CCDC93: variants seen among roughly 807,000 people sequenced by gnomAD.
CCDC93 encodes the protein coiled-coil domain-containing protein 93.
Under a neutral mutation model 108.2 loss-of-function variants are expected in CCDC93, and 61 were observed. The observed-to-expected ratio is 0.56, with a 90% CI of 0.46 to 0.70. CCDC93 has a LOEUF of 0.70. Ranked by LOEUF, CCDC93 falls within the 30% of genes least tolerant of loss-of-function variation. CCDC93 has a pLI of 0.00. For missense variants in CCDC93, 685 were observed against 764.2 expected, an observed-to-expected ratio of 0.90 and a Z score of 1.22; for synonymous variants, 276 against 260.4, an observed-to-expected ratio of 1.06 and a Z score of -0.58.
chr2:117,937,180 A>C (rs1678552345), intron 20 of CCDC93, among the ~76,000 whole-genome samples: 1 of 152,196 alleles, frequency 6.6e-6, no homozygotes, highest in Non-Finnish European at 1.5e-5. Context: ...TCCTTCCCAC[A>C]GAATCTTCTC....
chr2:117,998,323 G>A (rs1395993448), intron 4 of CCDC93: 6 of 152,122 alleles, frequency 3.9e-5, no homozygotes, highest in Non-Finnish European at 7.3e-5. Context: ...AGTGCCCGGG[G>A]GGAAAACAAA....
intron 4 of CCDC93, chr2:117,997,910 C>T (rs1680708222): frequency 6.6e-6 from 1 of 152,020 alleles, no homozygotes; most frequent in Non-Finnish European, 1.5e-5. Flanking sequence ...AGAGCTGCTC[C>T]CATTAATCCC....
At chr2:117,923,680 G>GCCTGCCTGCCTC (rs144602138) in intron 23 of CCDC93, among the ~76,000 whole-genome samples, 1 of 145,212 alleles carries the variant, frequency 6.9e-6, no homozygotes, top group Non-Finnish European at 1.5e-5. Flanking sequence ...CTGCCTGCCT[G>GCCTGCCTGCCTC]CCTCTATAGA....
intron 19 of CCDC93, 21 bp downstream of exon 19, chr2:117,941,168 G>C (rs777182163): frequency 1.4e-5 from 22 of 1,547,530 alleles, no homozygotes; most frequent in Non-Finnish European, 1.7e-5. Context: ...TCAAGAGCTT[G>C]TCTGTGGTCA....
At position 117,946,821 on chromosome 2, in the gene CCDC93, C is replaced by G; in HGVS notation, c.1286G>C (p.Gly429Ala). The change falls in exon 16 of 24, where the codon GGA becomes GCA. Residue 429 changes from glycine to alanine, a missense_variant. Physicochemically the swap from Gly to Ala is moderately conservative, Grantham distance 60. Coordinates refer to ENST00000376300, the MANE Select transcript of CCDC93 (RefSeq NM_019044.5). ...ATTCAGAGCCTTTACCTTTTCATCT[C>G]CACGTGGTGCTCTCTCAGCTTTCAG... is the stretch of plus-strand genomic sequence containing the variant. Reference protein sequence around the residue: ...ENLKAERAPRGDEKTLSSGEP... With the variant: ...ENLKAERAPRADEKTLSSGEP... The G allele has an allele frequency of 1.2e-6, 2 of 1,612,278 alleles. No homozygotes were observed. The highest frequency in any genetic ancestry group is 1.7e-6 in the Non-Finnish European group (2 of 1,178,258).
rs1444219041 is a variant in CCDC93 at position 117,952,372 on chromosome 2, C to T, written c.1068+1G>A. The stretch of plus-strand genomic sequence containing the variant: ...AGAAGAAGGAGAATCTATCTGCTCA[C>T]CTCTGTCAGCGTTTTCTTGGCTTCA... On this transcript the variant is annotated splice_donor_variant, in intron 13 of 23. Coordinates refer to ENST00000376300, the MANE Select transcript of CCDC93 (RefSeq NM_019044.5). LOFTEE classifies it high-confidence loss of function. 1.9e-6 allele frequency: 3 copies of T among 1,605,834 alleles called. No individual in the cohort carries two copies. The highest frequency in any genetic ancestry group is 2.6e-6 in the Non-Finnish European group (3 of 1,172,386).
intron 3 of CCDC93, among the ~76,000 whole-genome samples, chr2:118,003,978 G>A (rs1324362416): frequency 6.6e-6 from 1 of 152,184 alleles, no homozygotes; most frequent in Non-Finnish European, 1.5e-5. Context: ...CGGTTTCCTA[G>A]ACTAAGATTT....
intron 11 of CCDC93, among the ~76,000 whole-genome samples, chr2:117,972,149 G>C (rs1679784615): frequency 6.6e-6 from 1 of 152,112 alleles, no homozygotes; most frequent in African/African-American, 2.4e-5. Context: ...ATCTGGTTGG[G>C]AAAAAATCCA....
intron 7 of CCDC93, among the ~76,000 whole-genome samples, chr2:117,981,688 G>A (rs1680122088): frequency 6.6e-6 from 1 of 152,200 alleles, no homozygotes; most frequent in Non-Finnish European, 1.5e-5. Context: ...ATATGACCAA[G>A]TTATTCCAAA....
At chr2:117,975,127 G>T in intron 9 of CCDC93, 61 bp downstream of exon 9, 2 of 1,434,504 alleles carry the variant, frequency 1.4e-6, no homozygotes, top group Non-Finnish European at 2.0e-6. Context: ...AGGGATAAGA[G>T]TACGATTTCT....
At chr2:117,965,338 T>G (rs1019774571) in intron 11 of CCDC93, among the ~76,000 whole-genome samples, 2 of 152,114 alleles carry the variant, frequency 1.3e-5, no homozygotes, top group South Asian at 2.1e-4. Context: ...ACATCTAAGC[T>G]TATTAGAAAT....
intron 18 of CCDC93, among the ~76,000 whole-genome samples, chr2:117,941,871 G>A (rs1007458304): frequency 2.6e-5 from 4 of 152,236 alleles, no homozygotes; most frequent in African/African-American, 7.2e-5. Flanking sequence ...GGCAGCTGCA[G>A]GGAGAGCAAG....
rs1679282822 is a variant in CCDC93 at position 117,958,370 on chromosome 2, C to T, written c.1000G>A (p.Glu334Lys). 1 of 1,588,712 alleles carries T rather than the reference C, an allele frequency of 6.3e-7. No individual in the cohort carries two copies. The highest frequency in any genetic ancestry group is 1.1e-5 in the South Asian group (1 of 90,598). Reference sequence around the variant, plus strand: ...TACGAAAAGAAAACACTGACCTCTTCAAGATGTTTGGTCTTTTGCGCAATC... The same window carrying T: ...TACGAAAAGAAAACACTGACCTCTTTAAGATGTTTGGTCTTTTGCGCAATC... ...KQIAQKTKHL[E>K]ELRASHTSLQ... Residue 334 changes from glutamate to lysine, a missense_variant, in exon 12 of 24, where the codon GAA becomes AAA. Coordinates refer to ENST00000376300, the MANE Select transcript of CCDC93 (RefSeq NM_019044.5).
rs149174692 is a variant in CCDC93, at chr2:117,944,070, C to T, written c.1367G>A (p.Arg456Gln). 116 of 1,603,242 alleles carry T rather than the reference C, an allele frequency of 7.2e-5. No homozygotes were observed. In the African/African-American group the frequency reaches 8.7e-4, roughly 12 times the overall value. Reference sequence around the variant, plus strand: ...AAGTTTCTCTTTCTCCATATTATACCGTCTGTCTAGGTCTTCCTAAAAATT... The same window carrying T: ...AAGTTTCTCTTTCTCCATATTATACTGTCTGTCTAGGTCTTCCTAAAAATT... Reference protein sequence around the residue: ...AMTHDEDLDRRYNMEKEKLYK... With the variant: ...AMTHDEDLDRQYNMEKEKLYK... Residue 456 changes from arginine to glutamine, a missense_variant, in exon 18 of 24, where the codon CGG (arginine) becomes CAG (glutamine). By Grantham distance (43) the Arg-to-Gln change is conservative. Coordinates refer to ENST00000376300, the MANE Select transcript of CCDC93 (RefSeq NM_019044.5).
intron 23 of CCDC93, among the ~76,000 whole-genome samples, chr2:117,923,024 TACCC>T (rs1264007424): frequency 6.6e-6 from 1 of 150,540 alleles, no homozygotes; most frequent in African/African-American, 2.4e-5. Flanking sequence ...AAAAAAGGAC[TACCC>T]ACCATCACAA....
chr2:117,931,436 G>C (rs935227269), intron 22 of CCDC93: 2 of 308,988 alleles, frequency 6.5e-6, no homozygotes, highest in South Asian at 7.1e-5. Context: ...GAGCTATTTT[G>C]CCCCCCATCC....
At chr2:117,936,462 T>C (rs1678528852) in intron 21 of CCDC93, 2 of 461,100 alleles carry the variant, frequency 4.3e-6, no homozygotes, top group African/African-American at 1.9e-5. Context: ...AGTCAAAGTA[T>C]TTGAAAGTTA....
intron 6 of CCDC93, 53 bp downstream of exon 6, chr2:117,995,393 G>A: frequency 7.6e-7 from 1 of 1,320,694 alleles, no homozygotes; most frequent in South Asian, 1.2e-5. Flanking sequence ...TTAACAAAGG[G>A]CTATCTGAGG....
Position 117,958,347 on chromosome 2 carries a change from C to G in CCDC93, c.1005+18G>C. On this transcript the variant is annotated intron_variant, in intron 12 of 23. Coordinates refer to ENST00000376300, the MANE Select transcript of CCDC93 (RefSeq NM_019044.5). ...ACCATGAAGATCTTGAATAAACTTA[C>G]GAAAAGAAAACACTGACCTCTTCAA... 2 of 1,475,952 alleles carry G rather than the reference C, an allele frequency of 1.4e-6. No individual in the cohort carries two copies. Among genetic ancestry groups the G allele is most frequent in the Non-Finnish European group, 9.5e-7 (1 of 1,054,232 alleles). 91.4% of individuals were successfully genotyped at this position (1,475,952 alleles called of 1,614,324 possible).
Sources: gnomAD v4.1 joint callset for allele counts (sites outside exome capture counted in the v4.1 genomes callset) on GRCh38, gnomAD v4.1.1 for gene constraint, MANE v1.5 for transcripts, NCBI Gene and HGNC (gene_info 2026-07-23, HGNC 2026-07-21) for gene names.